Variants in TTC6 observed in about 807,000 individuals in gnomAD.
The protein encoded by TTC6 is tetratricopeptide repeat domain 6, also known as tetratricopeptide repeat protein 6.
A neutral mutation model predicts 210.4 loss-of-function variants in TTC6; 172 were observed. The observed-to-expected ratio is 0.82, with a 90% CI of 0.72 to 0.93. The LOEUF is 0.93. Among genes scored for constraint, TTC6 ranks in the 40% least tolerant of loss-of-function variants. TTC6 has a pLI of 0.00. For missense variants in TTC6, 2,414 were observed against 2,318.1 expected (o/e 1.04, Z -0.85); for synonymous variants, 804 against 819.6 (o/e 0.98, Z 0.32).
At chr14:37,675,210 T>G (rs1372406842) in intron 1 of TTC6, among the ~76,000 whole-genome samples, 1 of 152,118 alleles carries the variant, frequency 6.6e-6, no homozygotes, top group Non-Finnish European at 1.5e-5. Flanking sequence ...ACTATACATG[T>G]TAAACAGTCA....
intron 1 of TTC6, among the ~76,000 whole-genome samples, chr14:37,657,374 C>T (rs2095726606): frequency 6.7e-6 from 1 of 150,082 alleles, no homozygotes; most frequent in Non-Finnish European, 1.5e-5. Context: ...AAGACCATTT[C>T]CATCAAATAA....
In TTC6 at chr14:37,696,708, T is replaced by G. The variant is rs2095815533; in HGVS notation, c.1258-9T>G. On this transcript the variant is annotated splice_polypyrimidine_tract_variant and intron_variant, in intron 3 of 30. Transcript: ENST00000553443. ...TTCTCTTAACAGCACACTTTATATT[T>G]TCTTAAAGGCAAAATCACCAGAATT... is the stretch of plus-strand genomic sequence containing the variant. 7.1e-7 allele frequency: 1 copy of G among 1,405,926 alleles called. No individual in the cohort carries two copies. Among genetic ancestry groups the G allele is most frequent in the Non-Finnish European group, 9.3e-7 (1 of 1,071,066 alleles). 87.1% of individuals were successfully genotyped at this position (1,405,926 alleles called of 1,614,324 possible).
chr14:37,606,298 A>G (rs1446061845), intron 1 of TTC6, among the ~76,000 whole-genome samples: 1 of 152,110 alleles, frequency 6.6e-6, no homozygotes, highest in East Asian at 1.9e-4. Flanking sequence ...CCCTTTGCCT[A>G]CTTCTCTTTA....
At chr14:37,627,646 T>G (rs1286754653) in intron 1 of TTC6, among the ~76,000 whole-genome samples, 1 of 152,240 alleles carries the variant, frequency 6.6e-6, no homozygotes, top group Non-Finnish European at 1.5e-5. Context: ...TCCTTTTTTA[T>G]GGCTGCATAG....
chr14:37,798,238 C>A (rs2096097159), intron 20 of TTC6, among the ~76,000 whole-genome samples: 1 of 152,050 alleles, frequency 6.6e-6, no homozygotes, highest in East Asian at 1.9e-4. Context: ...GAATTGACAT[C>A]TTTATGATAT....
intron 1 of TTC6, among the ~76,000 whole-genome samples, chr14:37,637,662 A>G (rs2139370014): frequency 6.6e-6 from 1 of 152,322 alleles, no homozygotes; most frequent in East Asian, 1.9e-4. Context: ...AAAAATAGGC[A>G]AAAGACATGA....
chr14:37,680,193 A>AT lies in TTC6; in HGVS notation c.983dup (p.Met328IlefsTer7), dbSNP rs1163792663. ...AAAAATGTACCTCAAAACATCACCT[A>AT]TGCAAGCAGAAACACCTGAGATACA... On this transcript the variant is annotated frameshift_variant, in exon 2 of 31. Coordinates refer to ENST00000553443, the Ensembl canonical transcript of TTC6. LOFTEE classifies it high-confidence loss of function. 6.5e-7 allele frequency: 1 copy of AT among 1,534,364 alleles called. No individual in the cohort carries two copies. Among genetic ancestry groups the AT allele is most frequent in the East Asian group, 2.4e-5 (1 of 40,850 alleles).
At chr14:37,707,803 C>A (rs1377958263) in intron 5 of TTC6, among the ~76,000 whole-genome samples, 1 of 151,788 alleles carries the variant, frequency 6.6e-6, no homozygotes. Flanking sequence ...TTCTGGCTAC[C>A]CAAAGTTAAT....
At chr14:37,615,565 A>G (rs948812079) in intron 2 of TTC6, among the ~76,000 whole-genome samples, 1 of 151,670 alleles carries the variant, frequency 6.6e-6, no homozygotes, top group South Asian at 2.1e-4. Context: ...TCCTAATCAA[A>G]TTTTTTTGAA....
At chr14:37,751,173 G>T (rs867923217) in exon 13 of TTC6, 1 of 1,531,032 alleles carries the variant, frequency 6.5e-7, no homozygotes. Context: ...TTCAGGAGGG[G>T]TGAGATGTAT....
intron 29 of TTC6, among the ~76,000 whole-genome samples, chr14:37,828,914 A>G (rs112176684): frequency 6.6e-6 from 1 of 151,972 alleles, no homozygotes; most frequent in Admixed American, 6.6e-5. Flanking sequence ...TTCTCTTTGC[A>G]TCTCTTGTAA....
chr14:37,613,031 GA>G (rs1301926939), intron 2 of TTC6, among the ~76,000 whole-genome samples: 1 of 152,138 alleles, frequency 6.6e-6, no homozygotes, highest in Non-Finnish European at 1.5e-5. Flanking sequence ...GGATATGCAT[GA>G]AAAGAGTGAG....
chr14:37,731,594 G>A (rs2095886366), intron 7 of TTC6, among the ~76,000 whole-genome samples: 1 of 151,956 alleles, frequency 6.6e-6, no homozygotes, highest in Non-Finnish European at 1.5e-5. Flanking sequence ...ATATATTTTG[G>A]GGCCATGTTA....
intron 1 of TTC6, among the ~76,000 whole-genome samples, chr14:37,674,432 T>G (rs555843725): frequency 6.6e-6 from 1 of 152,300 alleles, no homozygotes; most frequent in East Asian, 1.9e-4. Context: ...ATTTTGCTTT[T>G]TATTTCAATG....
chr14:37,727,064 C>A, intron 7 of TTC6, among the ~76,000 whole-genome samples: 1 of 151,618 alleles, frequency 6.6e-6, no homozygotes, highest in East Asian at 1.9e-4. Flanking sequence ...AACACCATCC[C>A]TTTTATTTTA....
At chr14:37,643,697 C>T (rs1195936574) in intron 1 of TTC6, among the ~76,000 whole-genome samples, 2 of 152,122 alleles carry the variant, frequency 1.3e-5, no homozygotes, top group African/African-American at 2.4e-5. Flanking sequence ...GCTTACTACA[C>T]ATTTATTAGG....
At chr14:37,817,890 A>ATGCTTCCAT (rs1756630574) in intron 26 of TTC6, among the ~76,000 whole-genome samples, 1 of 152,180 alleles carries the variant, frequency 6.6e-6, no homozygotes, top group South Asian at 2.1e-4. Context: ...TAGCAGGCAA[A>ATGCTTCCAT]TGCTTCCATC....
intron 15 of TTC6, among the ~76,000 whole-genome samples, chr14:37,788,457 G>T (rs1051033858): frequency 1.3e-5 from 2 of 152,042 alleles, no homozygotes; most frequent in Non-Finnish European, 2.9e-5. Context: ...TTACTTGATT[G>T]TCTTAAGTCC....
At chr14:37,663,948 A>ATAAATCC (rs1396054194) in intron 1 of TTC6, among the ~76,000 whole-genome samples, 2 of 140,602 alleles carry the variant, frequency 1.4e-5, no homozygotes, top group Non-Finnish European at 1.7e-5. Context: ...CTAATAAGGG[A>ATAAATCC]AGTGAAGGAC....
Sources: gnomAD v4.1 joint callset for allele counts (sites outside exome capture counted in the v4.1 genomes callset) on GRCh38, gnomAD v4.1.1 for gene constraint, MANE v1.5 for transcripts, NCBI Gene and HGNC (gene_info 2026-07-23, HGNC 2026-07-21) for gene names.